The following PCDH15 variants were observed in gnomAD, a reference collection of about 807,000 sequenced individuals.
The protein encoded by PCDH15 is protocadherin-15.
In PCDH15, 129 loss-of-function variants were observed where a neutral mutation model predicts 178.5. The observed-to-expected ratio is 0.72, with a 90% CI of 0.63 to 0.84. The LOEUF is 0.84. PCDH15 is among the 40% of genes least tolerant of loss of function. PCDH15 has a pLI of 0.00. For missense variants in PCDH15, 2,230 were observed against 2,099.9 expected, an observed-to-expected ratio of 1.06 and a Z score of -1.21; for synonymous variants, 800 against 732.0, an observed-to-expected ratio of 1.09 and a Z score of -1.50.
intron 33 of PCDH15, among the ~76,000 whole-genome samples, chr10:53,819,408 A>G: frequency 6.6e-6 from 1 of 151,952 alleles, no homozygotes; most frequent in Non-Finnish European, 1.5e-5. Flanking sequence ...TCTTGGCTCA[A>G]AGGCAGAAAG....
At position 54,619,632 on chromosome 10, in the gene PCDH15, T is replaced by C. The variant is rs147883863; in HGVS notation, c.91+44540A>G. Among the ~76,000 whole-genome samples, 525 of 152,116 alleles carry C rather than the reference T, an allele frequency of 3.5e-3. 2 individuals are homozygous for C. The highest frequency in any genetic ancestry group is 6.4e-3 in the Non-Finnish European group (436 of 67,952). On this transcript the variant is annotated intron_variant, in intron 2 of 37. Coordinates refer to ENST00000644397, the MANE Select transcript of PCDH15 (RefSeq NM_001384140.1). ...CCCACCAAAGGTACTCTAAATTAAA[T>C]AAGATGTGCTCACTTTGCAAAAGTG...
intron 7 of PCDH15, among the ~76,000 whole-genome samples, chr10:54,328,016 G>A (rs1403500866): frequency 6.6e-6 from 1 of 152,006 alleles, no homozygotes; most frequent in East Asian, 1.9e-4. Context: ...AAAGATCACC[G>A]TTGGTGTTGT....
rs777958846 is a variant in PCDH15, at chr10:54,425,008, TAA to T, written c.158-46068_158-46067del. Among the ~76,000 whole-genome samples, 452 of 107,656 alleles carry T rather than the reference TAA, an allele frequency of 4.2e-3. 3 individuals carry two copies. Among genetic ancestry groups the T allele is most frequent in the African/African-American group, 0.013 (425 of 32,894 alleles). The allele number at this position is 107,656 out of a possible 152,430, so 70.6% of individuals were successfully genotyped here. A position where few individuals can be genotyped will look rare whatever the true frequency, so the allele number is the denominator to read the frequency against. On this transcript the variant is annotated intron_variant, in intron 3 of 37. Transcript: ENST00000644397. ...ATGTACCCTAGAACTTAAAGTATAATAAAAAAAAAAAAAAAAGAAAAGAAAAT... is the reference window on the plus strand; with the variant it reads ...ATGTACCCTAGAACTTAAAGTATAATAAAAAAAAAAAAAAGAAAAGAAAAT...
intron 8 of PCDH15, among the ~76,000 whole-genome samples, chr10:54,298,646 G>A (rs1485711199): frequency 1.3e-5 from 2 of 152,232 alleles, no homozygotes; most frequent in Non-Finnish European, 2.9e-5. Context: ...CCCCCAACCA[G>A]ATGATCCAAC....
intron 20 of PCDH15, among the ~76,000 whole-genome samples, chr10:54,003,129 A>G (rs1158927824): frequency 1.3e-5 from 2 of 152,214 alleles, no homozygotes; most frequent in Admixed American, 6.5e-5. Context: ...ATTTATAGCT[A>G]TAAGTGCCTA....
At chr10:55,037,172 T>C (rs1840755832) in intron 2 of PCDH15, among the ~76,000 whole-genome samples, 1 of 152,094 alleles carries the variant, frequency 6.6e-6, no homozygotes, top group Non-Finnish European at 1.5e-5. Flanking sequence ...AGAAGAAAAA[T>C]ATCATAAAGG....
Position 53,821,034 on chromosome 10 carries a change from T to C in PCDH15, c.4368-804A>G, listed in dbSNP as rs192387670. On this transcript the variant is annotated intron_variant, in intron 32 of 37. Transcript: ENST00000644397. ...TAAATTAGGGAGATGATTAATAATA[T>C]GAACAAACAAAATTAAACAGCACTT... The C allele has an allele frequency of 5.4e-4, 475 of 871,658 alleles. 1 individual carries two copies. The African/African-American group carries it at 8.2e-3, about 15-fold the overall frequency. 54.0% of individuals were successfully genotyped at this position (871,658 alleles called of 1,614,324 possible).
chr10:54,345,035 G>GT (rs554764241), intron 6 of PCDH15, among the ~76,000 whole-genome samples: 157 of 148,830 alleles, frequency 1.1e-3, no homozygotes, highest in Middle Eastern at 3.6e-3. Context: ...GCCAGTACAA[G>GT]TTTTTTTTGT....
chr10:55,361,618 A>C (rs1393404911), intron 2 of PCDH15, among the ~76,000 whole-genome samples: 1 of 152,096 alleles, frequency 6.6e-6, no homozygotes, highest in East Asian at 1.9e-4. Flanking sequence ...CCTCAAATAT[A>C]TGACCAATAA....
At chr10:54,538,234 C>CT (rs2084794504) in intron 2 of PCDH15, among the ~76,000 whole-genome samples, 1 of 152,088 alleles carries the variant, frequency 6.6e-6, no homozygotes, top group Non-Finnish European at 1.5e-5. Context: ...TTTTAAGATT[C>CT]TTACAGCTTG....
intron 23 of PCDH15, among the ~76,000 whole-genome samples, chr10:53,948,609 T>C (rs1211843062): frequency 3.3e-5 from 5 of 152,200 alleles, no homozygotes; most frequent in Non-Finnish European, 5.9e-5. Flanking sequence ...TTATCCATTA[T>C]AAATTGGTGA....
intron 1 of PCDH15, among the ~76,000 whole-genome samples, chr10:54,780,399 C>T (rs896886263): frequency 6.6e-6 from 1 of 152,084 alleles, no homozygotes; most frequent in Non-Finnish European, 1.5e-5. Context: ...CTGTTTACTG[C>T]AAAACCTGCA....
chr10:54,715,257 T>G (rs2095466814), intron 1 of PCDH15, among the ~76,000 whole-genome samples: 1 of 152,180 alleles, frequency 6.6e-6, no homozygotes, highest in Non-Finnish European at 1.5e-5. Flanking sequence ...AAATTACCAA[T>G]ATGGAAAATA....
chr10:54,083,719 G>T (rs1325360511), intron 16 of PCDH15, among the ~76,000 whole-genome samples: 1 of 152,144 alleles, frequency 6.6e-6, no homozygotes, highest in Non-Finnish European at 1.5e-5. Context: ...GTAGGTGCAT[G>T]AGTTCTGAAT....
intron 2 of PCDH15, among the ~76,000 whole-genome samples, chr10:54,997,171 C>T (rs1591826499): frequency 6.6e-6 from 1 of 151,300 alleles, no homozygotes; most frequent in African/African-American, 2.4e-5. Flanking sequence ...TGGTACAAAA[C>T]CTTCACTGGA....
At chr10:54,103,834 T>C (rs187205894) in intron 15 of PCDH15, among the ~76,000 whole-genome samples, 67 of 152,310 alleles carry the variant, frequency 4.4e-4, no homozygotes, top group African/African-American at 1.4e-3. Flanking sequence ...TCAGCCTGAT[T>C]GAACTCTATG....
At chr10:54,697,106 A>T (rs1274458312) in intron 1 of PCDH15, among the ~76,000 whole-genome samples, 1 of 152,048 alleles carries the variant, frequency 6.6e-6, no homozygotes, top group Non-Finnish European at 1.5e-5. Context: ...TATTGTTATT[A>T]TGTCTTTGCA....
chr10:53,948,919 T>C (rs2086790049), intron 23 of PCDH15, among the ~76,000 whole-genome samples: 1 of 152,216 alleles, frequency 6.6e-6, no homozygotes, highest in African/African-American at 2.4e-5. Context: ...ATAAAATTAA[T>C]GTATCCTACT....
intron 2 of PCDH15, among the ~76,000 whole-genome samples, chr10:55,462,743 C>A (rs570329070): frequency 2.0e-5 from 3 of 152,078 alleles, no homozygotes; most frequent in African/African-American, 7.2e-5. Flanking sequence ...TATTTTTGTC[C>A]TTTTCCTTAG....
Sources: gnomAD v4.1 joint callset for allele counts (sites outside exome capture counted in the v4.1 genomes callset) on GRCh38, gnomAD v4.1.1 for gene constraint, MANE v1.5 for transcripts, NCBI Gene and HGNC (gene_info 2026-07-23, HGNC 2026-07-21) for gene names.